Variants in VEZT observed in about 807,000 individuals in gnomAD.
VEZT encodes the protein vezatin, adherens junctions transmembrane protein.
VEZT carries 39 observed loss-of-function variants against 79.9 expected under a neutral mutation model. The observed-to-expected ratio is 0.49, with a 90% confidence interval of 0.38 to 0.64. The LOEUF is 0.64. VEZT is among the 30% of genes least tolerant of loss of function. The pLI is 0.00. For missense variants in VEZT, 837 were observed against 893.1 expected, an observed-to-expected ratio of 0.94 and a Z score of 0.80; for synonymous variants, 325 against 327.6, an observed-to-expected ratio of 0.99 and a Z score of 0.09.
intron 1 of VEZT, among the ~76,000 whole-genome samples, chr12:95,225,296 G>A (rs1346390571): frequency 1.3e-5 from 2 of 152,136 alleles, no homozygotes; most frequent in Non-Finnish European, 2.9e-5. Context: ...CCAGGAATTA[G>A]AAGCCATCAC....
chr12:95,234,607 G>A (rs1206460265), intron 1 of VEZT, among the ~76,000 whole-genome samples: 1 of 151,982 alleles, frequency 6.6e-6, no homozygotes, highest in East Asian at 1.9e-4. Flanking sequence ...CATTTTCAGT[G>A]AGTTGTTTTT....
rs144695018 is a variant in VEZT, at chr12:95,281,959, T to C, written c.997-354T>C. Among the ~76,000 whole-genome samples, 116 of 152,166 alleles carry C rather than the reference T, an allele frequency of 7.6e-4. 1 individual carries two copies. The highest frequency in any genetic ancestry group is 2.7e-3 in the African/African-American group (113 of 41,550). On this transcript the variant is annotated intron_variant, in intron 7 of 11. Transcript: ENST00000436874. ...AAAAAAATATATATATATATGTATA[T>C]ATATCCACTAGTCCTACTATCTTCT...
At chr12:95,233,922 G>C (rs2059628673) in intron 1 of VEZT, among the ~76,000 whole-genome samples, 1 of 152,136 alleles carries the variant, frequency 6.6e-6, no homozygotes, top group African/African-American at 2.4e-5. Context: ...TAGACTGGAA[G>C]CTTAGTGGTA....
chr12:95,248,385 GA>G (rs1566078864), intron 1 of VEZT, among the ~76,000 whole-genome samples: 1 of 152,128 alleles, frequency 6.6e-6, no homozygotes, highest in Non-Finnish European at 1.5e-5. Flanking sequence ...ATGGTGATCC[GA>G]ACTGAATGTG....
chr12:95,269,987 A>T, intron 5 of VEZT, 64 bp from the exon 6 acceptor site: 1 of 1,549,084 alleles, frequency 6.5e-7, no homozygotes, highest in Non-Finnish European at 8.7e-7. Flanking sequence ...TGGATTTAGG[A>T]AACAAAAACT....
rs367689756 is a variant in VEZT at position 95,242,876 on chromosome 12, CA to C, written c.37-9044del. ...TGACAAGAGCATAACTCCATCTCAC[CA>C]AAAAAAAAAAAAAAAAAAATCAGTA... On this transcript the variant is annotated intron_variant, in intron 1 of 11. Transcript: ENST00000436874. 7.3e-3 allele frequency among the ~76,000 whole-genome samples: 467 copies of C among 64,292 alleles called. 5 individuals are homozygous for C. The highest frequency in any genetic ancestry group is 0.049 in the East Asian group (100 of 2,058). 42.2% of individuals were successfully genotyped at this position (64,292 alleles called of 152,430 possible). A position where few individuals can be genotyped will look rare whatever the true frequency, so the allele number is the denominator to read the frequency against.
intron 1 of VEZT, among the ~76,000 whole-genome samples, chr12:95,246,827 A>G (rs1045978009): frequency 2.0e-5 from 3 of 152,210 alleles, no homozygotes; most frequent in Non-Finnish European, 4.4e-5. Flanking sequence ...TCTCTTCAAA[A>G]AAACAACTTA....
At chr12:95,243,911 C>A (rs546488357) in intron 1 of VEZT, 171 of 455,262 alleles carry the variant, frequency 3.8e-4, no homozygotes, top group Admixed American at 7.1e-5. Context: ...TACCCACTCC[C>A]GCTTTGACCT....
intron 1 of VEZT, among the ~76,000 whole-genome samples, chr12:95,236,889 T>G (rs542377721): frequency 6.6e-6 from 1 of 152,302 alleles, no homozygotes; most frequent in Admixed American, 6.5e-5. Context: ...GCTTGGCTCT[T>G]ACTGAATTCT....
At chr12:95,219,381 C>T (rs929666673) in intron 1 of VEZT, among the ~76,000 whole-genome samples, 1 of 152,030 alleles carries the variant, frequency 6.6e-6, no homozygotes, top group Non-Finnish European at 1.5e-5. Context: ...GACTTTATTT[C>T]TATGTAAATG....
At chr12:95,245,629 T>G (rs1238422657) in intron 1 of VEZT, 1 of 454,004 alleles carries the variant, frequency 2.2e-6, no homozygotes, top group African/African-American at 2.0e-5. Flanking sequence ...ACCTGAAAGC[T>G]TACAACTTGT....
intron 6 of VEZT, among the ~76,000 whole-genome samples, chr12:95,273,671 A>G (rs2067086260): frequency 6.6e-6 from 1 of 152,204 alleles, no homozygotes; most frequent in African/African-American, 2.4e-5. Context: ...GTTTCCCTAT[A>G]TCATTTTATT....
chr12:95,300,430 A>C lies in VEZT; in HGVS notation c.2097A>C (p.Glu699Asp), dbSNP rs2075065724. ...GTTACCAATGTGAGAGTGAAGATGA[A>C]CCACAAGCAGATGGAAGTGGTCTGA... ...RMCYQCESED[E>D]PQADGSGLTT... The change falls in exon 12 of 12, where the codon GAA becomes GAC. Residue 699 changes from glutamate to aspartate, a missense_variant. Glu to Asp is a conservative substitution (Grantham distance 45). Transcript: ENST00000436874. The C allele has an allele frequency of 1.2e-6, 2 of 1,614,002 alleles. No homozygotes were observed. Among genetic ancestry groups the C allele is most frequent in the South Asian group, 1.1e-5 (1 of 91,074 alleles).
intron 1 of VEZT, among the ~76,000 whole-genome samples, chr12:95,245,711 T>C (rs2137542890): frequency 6.6e-6 from 1 of 152,320 alleles, no homozygotes; most frequent in South Asian, 2.1e-4. Context: ...CAGGTAGAAC[T>C]GCTCATGCTT....
intron 1 of VEZT, among the ~76,000 whole-genome samples, chr12:95,228,733 G>T (rs1405893279): frequency 1.3e-5 from 2 of 152,122 alleles, no homozygotes; most frequent in African/African-American, 2.4e-5. Context: ...GCCAGATATG[G>T]TAGTTCACAC....
chr12:95,251,428 G>A (rs556267986), intron 1 of VEZT, among the ~76,000 whole-genome samples: 1 of 152,210 alleles, frequency 6.6e-6, no homozygotes, highest in Non-Finnish European at 1.5e-5. Context: ...AGAGTTTTAA[G>A]TTTGTTCACA....
At chr12:95,280,899 C>T in intron 7 of VEZT, among the ~76,000 whole-genome samples, 1 of 152,004 alleles carries the variant, frequency 6.6e-6, no homozygotes, top group East Asian at 1.9e-4. Flanking sequence ...GATATCACAT[C>T]TGTAGCAACT....
intron 8 of VEZT, among the ~76,000 whole-genome samples, chr12:95,287,362 C>A (rs1393738660): frequency 6.6e-6 from 1 of 152,038 alleles, no homozygotes; most frequent in African/African-American, 2.4e-5. Flanking sequence ...CTCTGTCCCC[C>A]AGGCTGAAGT....
intron 2 of VEZT, among the ~76,000 whole-genome samples, chr12:95,256,103 G>C (rs541357345): frequency 6.4e-4 from 97 of 152,082 alleles, no homozygotes; most frequent in African/African-American, 2.2e-3. Context: ...CCAGGCTGGA[G>C]TGCAATGGCG....
Sources: allele counts gnomAD v4.1 joint callset (sites outside exome capture counted in the v4.1 genomes callset), GRCh38; gene constraint gnomAD v4.1.1; transcripts MANE v1.5; gene names NCBI Gene and HGNC (gene_info 2026-07-23, HGNC 2026-07-21).